DPY19L4: variants seen among roughly 807,000 people sequenced by gnomAD.
The protein encoded by DPY19L4 is probable C-mannosyltransferase DPY19L4.
Under a neutral mutation model 102.8 loss-of-function variants are expected in DPY19L4, and 97 were observed. The ratio of observed to expected loss-of-function variants is 0.94; its 90% confidence interval spans 0.80 to 1.12. The LOEUF is 1.12. Ranked by LOEUF, DPY19L4 falls within the 50% of genes most tolerant of loss-of-function variation. DPY19L4 has a pLI of 0.00. For missense variants in DPY19L4, 815 were observed against 850.4 expected, an observed-to-expected ratio of 0.96 and a Z score of 0.52; for synonymous variants, 252 against 283.1, an observed-to-expected ratio of 0.89 and a Z score of 1.10.
chr8:94,744,121 G>T (rs10090736), intron 6 of DPY19L4, among the ~76,000 whole-genome samples: 69,495 of 152,148 alleles, frequency 0.46, 18,087 homozygotes, highest in African/African-American at 0.73. Flanking sequence ...CACATATTTC[G>T]GTGGGTCAGG....
chr8:94,721,723 A>C (rs1252205835), intron 1 of DPY19L4, among the ~76,000 whole-genome samples: 1 of 152,248 alleles, frequency 6.6e-6, no homozygotes, highest in Admixed American at 6.5e-5. Context: ...GCAAAATGAA[A>C]AATTATTTTA....
chr8:94,788,095 A>ATATATATATATATATATATATATATTTT (rs778540423), intron 18 of DPY19L4, 43 bp downstream of exon 18: 2 of 939,262 alleles, frequency 2.1e-6, no homozygotes, highest in African/African-American at 4.7e-5. Context: ...ATATATATAT[A>ATATATATATATATATATATATATATTTT]TTTTTTTTTT....
At chr8:94,764,972 C>T (rs1812604271) in intron 8 of DPY19L4, among the ~76,000 whole-genome samples, 2 of 151,382 alleles carry the variant, frequency 1.3e-5, no homozygotes, top group Admixed American at 1.3e-4. Flanking sequence ...CAATGATCCA[C>T]CCACTTTGGC....
chr8:94,766,399 T>G (rs892386257), intron 10 of DPY19L4, among the ~76,000 whole-genome samples: 1 of 152,130 alleles, frequency 6.6e-6, no homozygotes, highest in African/African-American at 2.4e-5. Flanking sequence ...AAAGAAATGT[T>G]CTTACTACGC....
rs929591315 is a variant in DPY19L4, at chr8:94,719,938, G to A, written c.-61G>A. The A allele has an allele frequency of 1.0e-4, 149 of 1,457,506 alleles. 1 individual carries two copies. Among genetic ancestry groups the A allele is most frequent in the Middle Eastern group, 4.9e-4 (2 of 4,080 alleles). 90.3% of individuals were successfully genotyped at this position (1,457,506 alleles called of 1,614,324 possible). A position where few individuals can be genotyped will look rare whatever the true frequency, so the allele number is the denominator to read the frequency against. On this transcript the variant is annotated 5_prime_UTR_variant, in exon 1 of 19. Coordinates refer to ENST00000414645, the MANE Select transcript of DPY19L4 (RefSeq NM_181787.3). ...CGGAGGCCGAGGGGTTCGGCGACGC[G>A]GAGGGAGGGAGAGTCTGGGCCGCGC...
intron 13 of DPY19L4, among the ~76,000 whole-genome samples, chr8:94,776,968 A>AC (rs1813213212): frequency 6.6e-6 from 1 of 151,902 alleles, no homozygotes; most frequent in African/African-American, 2.4e-5. Flanking sequence ...CGCTTCAAAA[A>AC]AAAAAAAAAA....
At chr8:94,781,936 C>T (rs975961006) in intron 16 of DPY19L4, among the ~76,000 whole-genome samples, 2 of 152,112 alleles carry the variant, frequency 1.3e-5, no homozygotes, top group African/African-American at 4.8e-5. Flanking sequence ...GAATGGGTGA[C>T]AAATCCTCAA....
intron 4 of DPY19L4, 150 bp downstream of exon 4, chr8:94,738,609 G>A: frequency 4.0e-6 from 1 of 248,604 alleles, no homozygotes; most frequent in African/African-American, 2.3e-5. Context: ...CTGCCTCCCG[G>A]TTCAGGCAAT....
chr8:94,782,807 A>G (rs942627444), intron 16 of DPY19L4, among the ~76,000 whole-genome samples: 1 of 152,146 alleles, frequency 6.6e-6, no homozygotes, highest in Admixed American at 6.5e-5. Flanking sequence ...CTTTTTGTAA[A>G]TTCTGTTTTC....
In DPY19L4 at chr8:94,734,744, C is replaced by G; in HGVS notation, c.242C>G (p.Ser81Cys). 6.2e-7 allele frequency: 1 copy of G among 1,613,432 alleles called. No homozygotes were observed. The highest frequency in any genetic ancestry group is 2.2e-5 in the East Asian group (1 of 44,826). Reference sequence around the variant, plus strand: ...TACCATGAACGGAAATTCTGGTTTTCCAACAGGCAGGTAAGAAGAAAGAAT... The same window carrying G: ...TACCATGAACGGAAATTCTGGTTTTGCAACAGGCAGGTAAGAAGAAAGAAT... The part of the protein sequence containing the change: ...SAYHERKFWF[S>C]NRQELEREIT... Residue 81 changes from serine (S) to cysteine (C), a missense_variant, in exon 3 of 19, where the codon TCC (serine) becomes TGC (cysteine). Ser to Cys is a moderately radical substitution (Grantham distance 112). Coordinates refer to ENST00000414645, the MANE Select transcript of DPY19L4 (RefSeq NM_181787.3).
At chr8:94,741,924 A>G (rs1388652049) in intron 6 of DPY19L4, among the ~76,000 whole-genome samples, 1 of 152,220 alleles carries the variant, frequency 6.6e-6, no homozygotes, top group Non-Finnish European at 1.5e-5. Flanking sequence ...AACTAGGAGG[A>G]CAAGATGATT....
rs142732389 is a variant in DPY19L4 at position 94,786,795 on chromosome 8, C to G, written c.1849-1099C>G. On this transcript the variant is annotated intron_variant, in intron 17 of 18. Coordinates refer to ENST00000414645, the MANE Select transcript of DPY19L4 (RefSeq NM_181787.3). Reference sequence around the variant, plus strand: ...ACTCCTGATCTCAAGTGATCCGCCTCCCTGGGTCTCCCAAAGTGCTGGGAT... The same window carrying G: ...ACTCCTGATCTCAAGTGATCCGCCTGCCTGGGTCTCCCAAAGTGCTGGGAT... Among the ~76,000 whole-genome samples, 1,050 of 152,070 alleles carry G rather than the reference C, an allele frequency of 6.9e-3. 12 individuals carry two copies. The highest frequency in any genetic ancestry group is 0.024 in the African/African-American group (1,000 of 41,500).
intron 13 of DPY19L4, 21 bp downstream of exon 13, chr8:94,770,592 C>T: frequency 6.2e-7 from 1 of 1,612,062 alleles, no homozygotes; most frequent in Non-Finnish European, 8.5e-7. Flanking sequence ...TTTATTTGAT[C>T]CCTTTGTTTT....
chr8:94,775,482 TA>T (rs1056492891), intron 13 of DPY19L4, among the ~76,000 whole-genome samples: 2 of 152,130 alleles, frequency 1.3e-5, no homozygotes, highest in African/African-American at 4.8e-5. Flanking sequence ...TCTTAATTTT[TA>T]AAAACTAAAA....
At chr8:94,786,865 TAC>T (rs1813678192) in intron 17 of DPY19L4, among the ~76,000 whole-genome samples, 2 of 152,250 alleles carry the variant, frequency 1.3e-5, no homozygotes, top group South Asian at 4.1e-4. Flanking sequence ...TCATTTAAAT[TAC>T]ACAGAGTCTC....
chr8:94,779,068 A>G (rs1469161861), intron 14 of DPY19L4, among the ~76,000 whole-genome samples: 1 of 152,138 alleles, frequency 6.6e-6, no homozygotes, highest in East Asian at 1.9e-4. Flanking sequence ...TCTGTGAAGG[A>G]TAGTCCTACA....
chr8:94,722,480 A>G (rs544666874), intron 1 of DPY19L4, among the ~76,000 whole-genome samples: 2 of 152,342 alleles, frequency 1.3e-5, no homozygotes, highest in Admixed American at 6.5e-5. Context: ...AGTTAAATAC[A>G]TCTTACATGG....
At chr8:94,771,237 A>G (rs948230738) in intron 13 of DPY19L4, among the ~76,000 whole-genome samples, 1 of 152,204 alleles carries the variant, frequency 6.6e-6, no homozygotes, top group Non-Finnish European at 1.5e-5. Flanking sequence ...TTTAATGGTA[A>G]TAAGTAGATA....
chr8:94,762,062 G>A (rs548979975), intron 8 of DPY19L4, among the ~76,000 whole-genome samples: 111 of 152,232 alleles, frequency 7.3e-4, no homozygotes, highest in Middle Eastern at 6.8e-3. Flanking sequence ...CATAGAGATC[G>A]CAACTGCAGA....
Sources: gnomAD v4.1 joint callset for allele counts (sites outside exome capture counted in the v4.1 genomes callset) on GRCh38, gnomAD v4.1.1 for gene constraint, MANE v1.5 for transcripts, NCBI Gene and HGNC (gene_info 2026-07-23, HGNC 2026-07-21) for gene names.